MALRD1: variants seen among roughly 807,000 people sequenced by gnomAD.
MALRD1 encodes MAM and LDL-receptor class A domain-containing protein 1.
A neutral mutation model predicts 242.1 loss-of-function variants in MALRD1; 247 were observed. The observed-to-expected ratio is 1.02, with a 90% CI of 0.92 to 1.13. The LOEUF is 1.13. Among genes scored for constraint, MALRD1 ranks in the 50% most tolerant of loss-of-function variants. MALRD1 has a pLI of 0.00. For missense variants in MALRD1, 2,989 were observed against 2,533.1 expected, an observed-to-expected ratio of 1.18 and a Z score of -3.86; for synonymous variants, 995 against 866.6, an observed-to-expected ratio of 1.15 and a Z score of -2.60.
chr10:19,685,416 G>A (rs1288763430), intron 36 of MALRD1, among the ~76,000 whole-genome samples: 4 of 152,094 alleles, frequency 2.6e-5, no homozygotes, highest in Admixed American at 6.5e-5. Flanking sequence ...TATGAACACA[G>A]GATTATTGAT....
chr10:19,322,354 A>G (rs1344111297), intron 21 of MALRD1, among the ~76,000 whole-genome samples: 1 of 152,156 alleles, frequency 6.6e-6, no homozygotes, highest in African/African-American at 2.4e-5. Flanking sequence ...TCTGCGTCTT[A>G]AAAATTAACT....
chr10:19,625,948 C>T (rs1470388664), intron 36 of MALRD1, among the ~76,000 whole-genome samples: 5 of 151,928 alleles, frequency 3.3e-5, no homozygotes, highest in Non-Finnish European at 5.9e-5. Context: ...TACTCAAGTG[C>T]TAAGGACTAA....
intron 36 of MALRD1, among the ~76,000 whole-genome samples, chr10:19,635,413 G>T (rs892683509): frequency 2.0e-5 from 3 of 152,074 alleles, no homozygotes; most frequent in Admixed American, 6.6e-5. Context: ...GAGTTAAAAA[G>T]TTCAAAAGCA....
chr10:19,532,158 C>T (rs1488921005), intron 32 of MALRD1, among the ~76,000 whole-genome samples: 1 of 152,110 alleles, frequency 6.6e-6, no homozygotes, highest in Non-Finnish European at 1.5e-5. Flanking sequence ...TATATTTTTT[C>T]CCAATTTTGC....
At chr10:19,296,606 C>G (rs570014238) in intron 21 of MALRD1, among the ~76,000 whole-genome samples, 35 of 152,156 alleles carry the variant, frequency 2.3e-4, no homozygotes, top group African/African-American at 8.4e-4. Flanking sequence ...CATATGCTTA[C>G]TATAAAGAAC....
chr10:19,161,502 A>G (rs1233589285), intron 12 of MALRD1, among the ~76,000 whole-genome samples: 1 of 133,254 alleles, frequency 7.5e-6, no homozygotes, highest in East Asian at 2.1e-4. Context: ...TTAGAGTATA[A>G]TAAAAAAAAT....
At chr10:19,145,997 A>G (rs1423628623) in intron 10 of MALRD1, among the ~76,000 whole-genome samples, 1 of 152,184 alleles carries the variant, frequency 6.6e-6, no homozygotes, top group Non-Finnish European at 1.5e-5. Flanking sequence ...AGATGGAAGC[A>G]TGTGGAAGGG....
At chr10:19,571,542 CTT>C (rs373428370) in intron 33 of MALRD1, among the ~76,000 whole-genome samples, 21 of 152,210 alleles carry the variant, frequency 1.4e-4, no homozygotes, top group Admixed American at 3.3e-4. Context: ...AGACATTCCT[CTT>C]TAAAGTTTTT....
chr10:19,504,880 C>A (rs1209698578), intron 31 of MALRD1, among the ~76,000 whole-genome samples: 2 of 151,000 alleles, frequency 1.3e-5, no homozygotes, highest in Non-Finnish European at 2.9e-5. Flanking sequence ...GACGGGGTTT[C>A]ACCTTGTTAG....
In MALRD1 at chr10:19,136,751, G is replaced by C. The variant is rs907360869; in HGVS notation, c.1381G>C (p.Asp461His). ...CTGTGACTCTCGGCAGGACTGCTCC[G>C]ATGAGAGTGATGAAGACCCAGCAAC... ...SVCDSRQDCS[D>H]ESDEDPATCS... The change falls in exon 10 of 40, where the codon GAT becomes CAT. Residue 461 changes from aspartate (D) to histidine (H), a missense_variant. Physicochemically the swap from Asp to His is moderately conservative, Grantham distance 81. Transcript: ENST00000454679. The C allele has an allele frequency of 4.9e-6, 6 of 1,231,518 alleles. No individual in the cohort carries two copies. Among genetic ancestry groups the C allele is most frequent in the African/African-American group, 1.6e-5 (1 of 64,382 alleles). The allele number at this position is 1,231,518 out of a possible 1,614,324, so 76.3% of individuals were successfully genotyped here.
intron 36 of MALRD1, among the ~76,000 whole-genome samples, chr10:19,646,238 C>G (rs963801931): frequency 6.6e-6 from 1 of 152,144 alleles, no homozygotes; most frequent in African/African-American, 2.4e-5. Flanking sequence ...TAGGAAAACT[C>G]TCTACACTGT....
At chr10:19,237,473 CT>C (rs1035464954) in intron 18 of MALRD1, among the ~76,000 whole-genome samples, 3 of 136,692 alleles carry the variant, frequency 2.2e-5, no homozygotes, top group African/African-American at 8.1e-5. Context: ...GAATTTCATT[CT>C]TTTTTTATGG....
At chr10:19,224,982 A>T (rs1050652485) in intron 18 of MALRD1, among the ~76,000 whole-genome samples, 7 of 152,294 alleles carry the variant, frequency 4.6e-5, no homozygotes, top group African/African-American at 1.4e-4. Flanking sequence ...TCTTATGTTT[A>T]AGTCTTTAAT....
At chr10:19,204,020 T>C (rs892424825) in intron 15 of MALRD1, 140 bp downstream of exon 15, 17 of 1,129,072 alleles carry the variant, frequency 1.5e-5, no homozygotes, top group Middle Eastern at 2.2e-4. Context: ...ACAGTTATGC[T>C]GTCTGCATGG....
intron 4 of MALRD1, among the ~76,000 whole-genome samples, chr10:19,101,482 T>C (rs1836251539): frequency 7.2e-6 from 1 of 138,812 alleles, no homozygotes. Flanking sequence ...AATACTTGTA[T>C]ATTATATAAA....
chr10:19,287,001 C>G (rs1000375937), intron 21 of MALRD1, among the ~76,000 whole-genome samples: 4 of 151,866 alleles, frequency 2.6e-5, no homozygotes, highest in Non-Finnish European at 5.9e-5. Context: ...CCCTGGGATG[C>G]AAGGCTGGTT....
chr10:19,561,689 G>A (rs970284013), intron 32 of MALRD1, among the ~76,000 whole-genome samples: 6 of 149,488 alleles, frequency 4.0e-5, no homozygotes, highest in African/African-American at 1.5e-4. Context: ...GCCCTGAGTT[G>A]TGTCCTTTAC....
chr10:19,582,542 G>A (rs1162745161), intron 33 of MALRD1, among the ~76,000 whole-genome samples: 3 of 136,540 alleles, frequency 2.2e-5, no homozygotes, highest in East Asian at 4.4e-4. Context: ...TAGATATGCG[G>A]CATTATTTCT....
intron 38 of MALRD1, among the ~76,000 whole-genome samples, chr10:19,695,264 T>C (rs1375294246): frequency 6.6e-6 from 1 of 152,004 alleles, no homozygotes; most frequent in African/African-American, 2.4e-5. Context: ...TATGACATTA[T>C]CCACCGACTA....
Sources: gnomAD v4.1 joint callset for allele counts (sites outside exome capture counted in the v4.1 genomes callset) on GRCh38, gnomAD v4.1.1 for gene constraint, MANE v1.5 for transcripts, NCBI Gene and HGNC (gene_info 2026-07-23, HGNC 2026-07-21) for gene names.